H3-3A: variants seen among roughly 807,000 people sequenced by gnomAD.
The protein encoded by H3-3A is histone H3.3.
For missense variants in H3-3A, 7 were observed against 184.0 expected (o/e 0.04, Z 5.57); for synonymous variants, 49 against 61.4 (o/e 0.80, Z 0.95).
chr1:226,071,685 A>G lies in H3-3A; in HGVS notation c.*206A>G. ...TTTCATTTGTGTGTGAATTTTTAATATAAATGCGGAGACGTAAAGCATTAA... is the reference window on the plus strand; with the variant it reads ...TTTCATTTGTGTGTGAATTTTTAATGTAAATGCGGAGACGTAAAGCATTAA... On this transcript the variant is annotated 3_prime_UTR_variant, in exon 4 of 4. Coordinates refer to ENST00000366815, the MANE Select transcript of H3-3A (RefSeq NM_002107.7). The G allele has an allele frequency of 3.0e-6, 1 of 331,280 alleles. No individual in the cohort carries two copies. Among genetic ancestry groups the G allele is most frequent in the Non-Finnish European group, 5.3e-6 (1 of 189,510 alleles). 20.5% of individuals were successfully genotyped at this position (331,280 alleles called of 1,614,324 possible). A position where few individuals can be genotyped will look rare whatever the true frequency, so the allele number is the denominator to read the frequency against.
intron 3 of H3-3A, among the ~76,000 whole-genome samples, chr1:226,070,591 G>A (rs1036296585): frequency 3.9e-5 from 6 of 152,084 alleles, no homozygotes; most frequent in Admixed American, 3.9e-4. Flanking sequence ...GACCAACATG[G>A]TGAAACCCCT....
At position 226,064,402 on chromosome 1, in the gene H3-3A, C is replaced by G; in HGVS notation, c.51C>G (p.Pro17=). 1 of 1,611,188 alleles carries G rather than the reference C, an allele frequency of 6.2e-7. No individual in the cohort carries two copies. Among genetic ancestry groups the G allele is most frequent in the Non-Finnish European group, 8.5e-7 (1 of 1,177,452 alleles). ...TARKSTGGKA[P]RKQLATKAAR... The stretch of plus-strand genomic sequence containing the variant: ...GCAAATCGACCGGTGGTAAAGCACC[C>G]AGGAAGCAACTGGCTACAAAAGCCG... Residue 17 remains proline (P), a synonymous_variant, in exon 2 of 4, where the codon CCC becomes CCG. Transcript: ENST00000366815.
At position 226,062,806 on chromosome 1, in the gene H3-3A, A is replaced by AGGGGGGTAAGTTT. The variant is rs1479186990; in HGVS notation, c.-28_-24+8dup. The AGGGGGGTAAGTTT allele has an allele frequency of 6.1e-6, 1 of 164,982 alleles. No homozygotes were observed. Among genetic ancestry groups the AGGGGGGTAAGTTT allele is most frequent in the Non-Finnish European group, 1.4e-5 (1 of 70,306 alleles). 10.2% of individuals were successfully genotyped at this position (164,982 alleles called of 1,614,324 possible). ...CTCGCCGAGCTCCAGCCGAAGGAGA[A>AGGGGGGTAAGTTT]GGGGGGTAAGTTTCCCCGTCTGCCC... On this transcript the variant is annotated 5_prime_UTR_variant, in exon 1 of 4. Transcript: ENST00000366815.
At chr1:226,069,797 C>T (rs1465547849) in intron 3 of H3-3A, among the ~76,000 whole-genome samples, 1 of 152,144 alleles carries the variant, frequency 6.6e-6, no homozygotes, top group Non-Finnish European at 1.5e-5. Flanking sequence ...TACCACTGCA[C>T]TCCAGCCAGG....
At chr1:226,069,049 C>CTTT (rs71574557) in intron 3 of H3-3A, among the ~76,000 whole-genome samples, 7 of 141,634 alleles carry the variant, frequency 4.9e-5, no homozygotes, top group Admixed American at 7.0e-5. Flanking sequence ...GTGAAAGTAC[C>CTTT]TTTTTTTTTT....
At chr1:226,062,219 C>A (rs934613743), upstream of H3-3A, 18 of 151,288 alleles carry the variant, frequency 1.2e-4, no homozygotes, top group African/African-American at 4.3e-4. Flanking sequence ...CGGGTCTCCT[C>A]GGGGGCGCGC....
At chr1:226,070,512 G>A (rs189613371) in intron 3 of H3-3A, among the ~76,000 whole-genome samples, 103 of 147,770 alleles carry the variant, frequency 7.0e-4, no homozygotes, top group African/African-American at 2.4e-3. Flanking sequence ...GGTGGCTCAC[G>A]CCTATAATCC....
chr1:226,071,590 AAGGT>A lies in H3-3A; in HGVS notation c.*113_*116del, dbSNP rs1488770258. On this transcript the variant is annotated 3_prime_UTR_variant, in exon 4 of 4. Coordinates refer to ENST00000366815, the MANE Select transcript of H3-3A (RefSeq NM_002107.7). The stretch of plus-strand genomic sequence containing the variant: ...AGATATTTTTTTTCCATGGGGTCAA[AAGGT>A]ACCTAAGTATATGATTGCGAGTGGA... The A allele has an allele frequency of 2.2e-5, 12 of 535,744 alleles. No individual in the cohort carries two copies. The highest frequency in any genetic ancestry group is 1.3e-5 in the Non-Finnish European group (4 of 308,572). 33.2% of individuals were successfully genotyped at this position (535,744 alleles called of 1,614,324 possible). A position where few individuals can be genotyped will look rare whatever the true frequency, so the allele number is the denominator to read the frequency against.
chr1:226,065,121 T>C (rs1576200047), intron 2 of H3-3A, among the ~76,000 whole-genome samples: 1 of 152,248 alleles, frequency 6.6e-6, no homozygotes, highest in Non-Finnish European at 1.5e-5. Context: ...AAAAAAACTT[T>C]TCCACGTGGA....
chr1:226,068,013 C>CA (rs1198729352), intron 3 of H3-3A, among the ~76,000 whole-genome samples: 1 of 152,196 alleles, frequency 6.6e-6, no homozygotes, highest in East Asian at 1.9e-4. Flanking sequence ...GTTAAGTGGA[C>CA]AGTGTTGCTT....
At chr1:226,068,385 A>T (rs1363351042) in intron 3 of H3-3A, among the ~76,000 whole-genome samples, 2 of 152,190 alleles carry the variant, frequency 1.3e-5, no homozygotes, top group Non-Finnish European at 2.9e-5. Flanking sequence ...AGGCCACCAG[A>T]ACCATGGTGC....
chr1:226,070,784 AAG>A (rs57574072), intron 3 of H3-3A, among the ~76,000 whole-genome samples: 98,875 of 133,558 alleles, frequency 0.74, 33,701 homozygotes, highest in Non-Finnish European at 0.8. Context: ...GAAAGAAAGA[AAG>A]AAATACGGAA....
chr1:226,071,312 A>G (rs774403450), intron 3 of H3-3A, 39 bp from the exon 4 acceptor site: 1 of 1,577,304 alleles, frequency 6.3e-7, no homozygotes, highest in East Asian at 2.2e-5. Context: ...ACTATTGGAA[A>G]TAACATCATC....
At chr1:226,067,157 G>T (rs1329705049) in intron 3 of H3-3A, 1 of 152,184 alleles carries the variant, frequency 6.6e-6, no homozygotes, top group Non-Finnish European at 1.5e-5. Context: ...TACTTGAAAA[G>T]TGTAGCGTTT....
intron 3 of H3-3A, among the ~76,000 whole-genome samples, chr1:226,067,723 CAA>C (rs1657974276): frequency 7.4e-6 from 1 of 135,010 alleles, no homozygotes; most frequent in Non-Finnish European, 1.6e-5. Flanking sequence ...GCCTGGGCAA[CAA>C]GAGCAAAACT....
At chr1:226,067,947 C>A (rs1351088653) in intron 3 of H3-3A, among the ~76,000 whole-genome samples, 1 of 152,206 alleles carries the variant, frequency 6.6e-6, no homozygotes, top group Non-Finnish European at 1.5e-5. Flanking sequence ...AATTGACTTA[C>A]TTAAAATATA....
intron 2 of H3-3A, 106 bp from the exon 3 acceptor site, chr1:226,065,550 G>A (rs1657897358): frequency 2.8e-6 from 2 of 718,052 alleles, no homozygotes; most frequent in Non-Finnish European, 4.5e-6. Context: ...AAGAATTGTT[G>A]GGTGGCTTAT....
chr1:226,069,282 G>A (rs372851355), intron 3 of H3-3A, among the ~76,000 whole-genome samples: 1 of 152,120 alleles, frequency 6.6e-6, no homozygotes, highest in African/African-American at 2.4e-5. Context: ...CCTGACCTCG[G>A]GTGATCTGCC....
chr1:226,070,617 C>CA (rs1658082425), intron 3 of H3-3A, among the ~76,000 whole-genome samples: 1 of 151,854 alleles, frequency 6.6e-6, no homozygotes, highest in Non-Finnish European at 1.5e-5. Context: ...ACTAAAAATA[C>CA]AAAAAAGTAG....
Sources: gnomAD v4.1 joint callset for allele counts (sites outside exome capture counted in the v4.1 genomes callset) on GRCh38, gnomAD v4.1.1 for gene constraint, MANE v1.5 for transcripts, NCBI Gene and HGNC (gene_info 2026-07-23, HGNC 2026-07-21) for gene names.